Variants in HCN1 observed in about 807,000 individuals in gnomAD.
HCN1 encodes the protein potassium/sodium hyperpolarization-activated cyclic nucleotide-gated channel 1.
A neutral mutation model predicts 78.9 loss-of-function variants in HCN1; 13 were observed. The observed-to-expected ratio is 0.16, with a 90% CI of 0.11 to 0.26. The LOEUF is 0.26. Ranked by LOEUF, HCN1 falls within the 10% of genes least tolerant of loss-of-function variation. The pLI is 1.00. For missense variants in HCN1, 810 were observed against 1,154.3 expected (o/e 0.70, Z 4.32); for synonymous variants, 552 against 455.5 (o/e 1.21, Z -2.70).
intron 2 of HCN1, among the ~76,000 whole-genome samples, chr5:45,496,051 T>A (rs1181650167): frequency 6.6e-6 from 1 of 152,150 alleles, no homozygotes; most frequent in African/African-American, 2.4e-5. Context: ...AGGATATTGG[T>A]CTAAAATTCT....
At chr5:45,515,951 C>A (rs762490237) in intron 2 of HCN1, among the ~76,000 whole-genome samples, 1 of 151,924 alleles carries the variant, frequency 6.6e-6, no homozygotes, top group Non-Finnish European at 1.5e-5. Flanking sequence ...AAACTGTGAT[C>A]CACAGAGAAT....
chr5:45,455,235 A>C (rs933807902), intron 3 of HCN1, among the ~76,000 whole-genome samples: 15 of 152,068 alleles, frequency 9.9e-5, no homozygotes, highest in African/African-American at 3.6e-4. Context: ...AAAAAAGGGG[A>C]GTAATTCACC....
chr5:45,611,226 A>AT (rs1579998256), intron 2 of HCN1, among the ~76,000 whole-genome samples: 2 of 95,760 alleles, frequency 2.1e-5, no homozygotes, highest in Non-Finnish European at 4.6e-5. Context: ...AACTTTTTGT[A>AT]TTTTTTGTAG....
Position 45,256,658 on chromosome 5 carries a change from TA to T in HCN1, c.*5262del, listed in dbSNP as rs1289474620. ...GATCCTCCTGCCTTAACTTTCTGAG[TA>T]ACTAGGACTACAGGAATACACCACC... On this transcript the variant is annotated 3_prime_UTR_variant, in exon 8 of 8. Transcript: ENST00000303230. The T allele has an allele frequency of 3.0e-4, 46 of 152,304 alleles. No homozygotes were observed. Among genetic ancestry groups the T allele is most frequent in the African/African-American group, 1.0e-3 (43 of 41,548 alleles). 9.4% of individuals were successfully genotyped at this position (152,304 alleles called of 1,614,324 possible). A position where few individuals can be genotyped will look rare whatever the true frequency, so the allele number is the denominator to read the frequency against.
chr5:45,262,429 G>C lies in HCN1; in HGVS notation c.2165C>G (p.Pro722Arg). The C allele has an allele frequency of 6.2e-7, 1 of 1,611,646 alleles. No homozygotes were observed. Among genetic ancestry groups the C allele is most frequent in the Non-Finnish European group, 8.5e-7 (1 of 1,179,750 alleles). The change falls in exon 8 of 8, where the codon CCC becomes CGC. Residue 722 changes from proline to arginine, a missense_variant. Pro to Arg is a moderately radical substitution (Grantham distance 103, BLOSUM62 -2). Coordinates refer to ENST00000303230, the MANE Select transcript of HCN1 (RefSeq NM_021072.4). The stretch of plus-strand genomic sequence containing the variant: ...CATGAGTGACAGCTGGGAGGCGGTG[G>C]GGGAGGCATAGTGGAAAGTTCGAGC... ...LAARTFHYAS[P>R]TASQLSLMQQ...
At chr5:45,291,473 T>C (rs1380341059) in intron 6 of HCN1, among the ~76,000 whole-genome samples, 1 of 152,098 alleles carries the variant, frequency 6.6e-6, no homozygotes, top group African/African-American at 2.4e-5. Flanking sequence ...CTTCAGGAGA[T>C]TTGCACTTGT....
chr5:45,665,407 C>A (rs1162054760), intron 1 of HCN1, among the ~76,000 whole-genome samples: 1 of 151,688 alleles, frequency 6.6e-6, no homozygotes, highest in Non-Finnish European at 1.5e-5. Flanking sequence ...ATGTAACTAA[C>A]CTGCACATTG....
At chr5:45,373,446 A>G (rs534599570) in intron 4 of HCN1, among the ~76,000 whole-genome samples, 56 of 137,970 alleles carry the variant, frequency 4.1e-4, no homozygotes, top group African/African-American at 1.4e-3. Flanking sequence ...TACATCATCT[A>G]TAATTTATAT....
intron 3 of HCN1, among the ~76,000 whole-genome samples, chr5:45,397,969 A>G (rs1030395490): frequency 6.6e-6 from 1 of 151,694 alleles, no homozygotes; most frequent in African/African-American, 2.4e-5. Context: ...TTTAAATTTA[A>G]ATTTAAATTT....
intron 3 of HCN1, among the ~76,000 whole-genome samples, chr5:45,435,413 A>G (rs568425343): frequency 1.3e-5 from 2 of 152,158 alleles, no homozygotes; most frequent in African/African-American, 4.8e-5. Flanking sequence ...ATTCAATTAA[A>G]TTTTTGGTTA....
At chr5:45,499,585 G>C (rs1742146926) in intron 2 of HCN1, among the ~76,000 whole-genome samples, 1 of 152,144 alleles carries the variant, frequency 6.6e-6, no homozygotes, top group African/African-American at 2.4e-5. Context: ...GACTGGAGCT[G>C]TTCCTTTTTG....
At chr5:45,622,798 T>C (rs529381561) in intron 2 of HCN1, among the ~76,000 whole-genome samples, 135 of 152,284 alleles carry the variant, frequency 8.9e-4, no homozygotes, top group African/African-American at 3.1e-3. Context: ...CGTTTATTCA[T>C]GGTCAAATTG....
intron 4 of HCN1, among the ~76,000 whole-genome samples, chr5:45,392,179 T>C (rs777794947): frequency 1.1e-4 from 16 of 152,300 alleles, no homozygotes; most frequent in Non-Finnish European, 2.1e-4. Context: ...AGCTTGAAGA[T>C]AAGAGCAGGT....
At chr5:45,589,043 G>A (rs1208518811) in intron 2 of HCN1, among the ~76,000 whole-genome samples, 1 of 151,678 alleles carries the variant, frequency 6.6e-6, no homozygotes, top group Non-Finnish European at 1.5e-5. Flanking sequence ...CAGTGGTTCT[G>A]AGAGAGAGCT....
chr5:45,317,246 C>A (rs1272760995), intron 5 of HCN1, among the ~76,000 whole-genome samples: 19 of 151,922 alleles, frequency 1.3e-4, no homozygotes, highest in Non-Finnish European at 2.8e-4. Context: ...AGAACAGAGC[C>A]CTCAGAAATA....
chr5:45,309,581 G>A (rs1745810737), intron 5 of HCN1, among the ~76,000 whole-genome samples: 2 of 152,150 alleles, frequency 1.3e-5, no homozygotes, highest in East Asian at 3.9e-4. Flanking sequence ...ATGAAGTGAT[G>A]TTGAATTTTA....
In HCN1 at chr5:45,261,027, G is replaced by A. The variant is rs1046212691; in HGVS notation, c.*894C>T. On this transcript the variant is annotated 3_prime_UTR_variant, in exon 8 of 8. Transcript: ENST00000303230. ...TACAATTTTGCATAAAACATTGCAG[G>A]TTAAAATAATATTGTAGGTTTCAAG... 7 of 152,534 alleles carry A rather than the reference G, an allele frequency of 4.6e-5. No homozygotes were observed. The highest frequency in any genetic ancestry group is 2.6e-4 in the Admixed American group (4 of 15,264). The allele number at this position is 152,534 out of a possible 1,614,324, so 9.4% of individuals were successfully genotyped here.
At chr5:45,338,716 T>C (rs974043503) in intron 5 of HCN1, among the ~76,000 whole-genome samples, 2 of 152,100 alleles carry the variant, frequency 1.3e-5, no homozygotes, top group Admixed American at 6.5e-5. Flanking sequence ...TTTTACTGCT[T>C]TTTAGACATT....
chr5:45,443,756 T>G (rs1470906447), intron 3 of HCN1, among the ~76,000 whole-genome samples: 2 of 152,124 alleles, frequency 1.3e-5, no homozygotes, highest in African/African-American at 4.8e-5. Flanking sequence ...TCTAATTGTG[T>G]TCCAAATAGA....
Sources: allele counts gnomAD v4.1 joint callset (sites outside exome capture counted in the v4.1 genomes callset), GRCh38; gene constraint gnomAD v4.1.1; transcripts MANE v1.5; gene names NCBI Gene and HGNC (gene_info 2026-07-23, HGNC 2026-07-21).